Variants in SHQ1 observed in about 807,000 individuals in gnomAD.
The protein encoded by SHQ1 is SHQ1, H/ACA ribonucleoprotein assembly factor.
In SHQ1, 49 loss-of-function variants were observed where a neutral mutation model predicts 53.8. That is an observed-to-expected ratio of 0.91 (90% CI 0.72 to 1.16). The LOEUF is 1.16. Ranked by LOEUF, SHQ1 falls within the 50% of genes most tolerant of loss-of-function variation. The pLI, the probability that SHQ1 is intolerant of heterozygous loss-of-function variation, is 0.00. For missense variants in SHQ1, 738 were observed against 683.1 expected, an observed-to-expected ratio of 1.08 and a Z score of -0.90; for synonymous variants, 243 against 251.0, an observed-to-expected ratio of 0.97 and a Z score of 0.30.
chr3:72,841,519 C>A (rs1039355494), intron 3 of SHQ1, among the ~76,000 whole-genome samples: 3 of 152,018 alleles, frequency 2.0e-5, no homozygotes, highest in African/African-American at 7.2e-5. Flanking sequence ...ACATATGCAA[C>A]GTAAAAACAG....
intron 6 of SHQ1, among the ~76,000 whole-genome samples, chr3:72,823,022 G>A (rs1186902717): frequency 1.3e-5 from 2 of 152,090 alleles, no homozygotes; most frequent in South Asian, 2.1e-4. Context: ...GGTGGCCGGT[G>A]CCTGTAGTCC....
In SHQ1 at chr3:72,765,551, A is replaced by AT. The variant is rs1192074766; in HGVS notation, c.1182-14716dup. 1.7e-3 allele frequency among the ~76,000 whole-genome samples: 150 copies of AT among 88,172 alleles called. 8 individuals are homozygous for AT. The highest frequency in any genetic ancestry group is 0.01 in the African/African-American group (142 of 14,092). 57.8% of individuals were successfully genotyped at this position (88,172 alleles called of 152,430 possible). A position where few individuals can be genotyped will look rare whatever the true frequency, so the allele number is the denominator to read the frequency against. On this transcript the variant is annotated intron_variant, in intron 10 of 10. Transcript: ENST00000325599. ...ATGACATATATATATATATATATATATATATATTTTTTTTTTTTTTTTGAG... is the reference window on the plus strand; with the variant it reads ...ATGACATATATATATATATATATATATTATATATTTTTTTTTTTTTTTTGAG...
In SHQ1 at chr3:72,817,223, C is replaced by T; in HGVS notation, c.882+7G>A. 6.2e-7 allele frequency: 1 copy of T among 1,610,946 alleles called. No homozygotes were observed. The highest frequency in any genetic ancestry group is 8.5e-7 in the Non-Finnish European group (1 of 1,178,646). On this transcript the variant is annotated splice_region_variant and intron_variant, in intron 7 of 10. Coordinates refer to ENST00000325599, the MANE Select transcript of SHQ1 (RefSeq NM_018130.3). ...CTATGGCAACATGCACACATACATG[C>T]ACTTACATTCTTCTCTCCTTCAGTG...
intron 10 of SHQ1, among the ~76,000 whole-genome samples, chr3:72,792,316 C>T (rs1041663487): frequency 1.3e-5 from 2 of 152,206 alleles, no homozygotes; most frequent in African/African-American, 4.8e-5. Context: ...GCAAGGCAAT[C>T]AATATCACAA....
intron 4 of SHQ1, among the ~76,000 whole-genome samples, chr3:72,833,064 T>A (rs1413419339): frequency 6.6e-6 from 1 of 152,154 alleles, no homozygotes; most frequent in Non-Finnish European, 1.5e-5. Flanking sequence ...TGCGAAATGC[T>A]CCAAAGAGTA....
chr3:72,758,037 G>T (rs1575675761), intron 10 of SHQ1, among the ~76,000 whole-genome samples: 1 of 152,154 alleles, frequency 6.6e-6, no homozygotes, highest in South Asian at 2.1e-4. Flanking sequence ...CTATTGAAAA[G>T]AACCAGTTCC....
the SHQ1 span, among the ~76,000 whole-genome samples, chr3:72,725,624 A>G: frequency 6.6e-6 from 1 of 152,204 alleles, no homozygotes; most frequent in Non-Finnish European, 1.5e-5. Context: ...CCAGGTGTAC[A>G]CGCACACACT....
the SHQ1 span, among the ~76,000 whole-genome samples, chr3:72,742,213 AAC>A: frequency 5.9e-3 from 868 of 147,146 alleles, 7 homozygotes; most frequent in African/African-American, 0.018. Context: ...AAAAAAAAAA[AAC>A]GTAAAAAATA....
chr3:72,798,481 T>TA (rs796750162), intron 9 of SHQ1, among the ~76,000 whole-genome samples: 71 of 152,308 alleles, frequency 4.7e-4, no homozygotes, highest in African/African-American at 1.7e-3. Context: ...AATGACAAGA[T>TA]AAAGAAAATA....
At chr3:72,747,245 G>A (rs914909280), downstream of SHQ1, among the ~76,000 whole-genome samples, 1 of 152,140 alleles carries the variant, frequency 6.6e-6, no homozygotes, top group African/African-American at 2.4e-5. Flanking sequence ...TGATGATTCA[G>A]TGTTAACAAG....
intron 9 of SHQ1, among the ~76,000 whole-genome samples, chr3:72,803,107 T>C (rs1179317167): frequency 2.0e-5 from 3 of 152,124 alleles, no homozygotes; most frequent in Non-Finnish European, 4.4e-5. Context: ...GCACTTAGCT[T>C]GCTTTAGAGC....
intron 10 of SHQ1, among the ~76,000 whole-genome samples, chr3:72,781,257 T>C (rs1433149766): frequency 6.6e-6 from 1 of 151,998 alleles, no homozygotes; most frequent in Admixed American, 6.6e-5. Flanking sequence ...GGTTTCACCA[T>C]GTTGACCAGG....
intron 3 of SHQ1, 24 bp from the exon 4 acceptor site, chr3:72,841,223 T>C (rs1708171322): frequency 6.3e-7 from 1 of 1,582,374 alleles, no homozygotes; most frequent in East Asian, 2.3e-5. Context: ...ATTTTAATTT[T>C]TTTTAAGTAT....
chr3:72,783,003 C>T (rs1706114501), intron 10 of SHQ1, among the ~76,000 whole-genome samples: 1 of 152,110 alleles, frequency 6.6e-6, no homozygotes, highest in Non-Finnish European at 1.5e-5. Context: ...AGAGAATCCT[C>T]CAAAGAGCTT....
At chr3:72,745,404 C>G (rs1385909763), downstream of SHQ1, among the ~76,000 whole-genome samples, 2 of 152,172 alleles carry the variant, frequency 1.3e-5, no homozygotes, top group Non-Finnish European at 2.9e-5. Context: ...GCCATGCCCA[C>G]AGCAAGGCCT....
intron 4 of SHQ1, among the ~76,000 whole-genome samples, chr3:72,834,400 T>C (rs1707930306): frequency 6.6e-6 from 1 of 152,054 alleles, no homozygotes; most frequent in Non-Finnish European, 1.5e-5. Flanking sequence ...TGTGGTGGCG[T>C]GCACCTGTAA....
rs569525655 is a variant in SHQ1 at position 72,804,244 on chromosome 3, G to A, written c.1060+8427C>T. Among the ~76,000 whole-genome samples the A allele has an allele frequency of 8.5e-5, 13 of 152,154 alleles. No homozygotes were observed. In the South Asian group the frequency reaches 2.7e-3, roughly 32 times the overall value. On this transcript the variant is annotated intron_variant, in intron 9 of 10. Coordinates refer to ENST00000325599, the MANE Select transcript of SHQ1 (RefSeq NM_018130.3). The stretch of plus-strand genomic sequence containing the variant: ...TGTCCATTAAGGTATGTTTTTAAGG[G>A]AGTCTCCCCTTTGTATCTTATATTA...
chr3:72,830,378 CATT>C (rs892417516), intron 5 of SHQ1, among the ~76,000 whole-genome samples: 1 of 150,448 alleles, frequency 6.6e-6, no homozygotes, highest in African/African-American at 2.5e-5. Context: ...ATCTTATATA[CATT>C]ATTATGCTAA....
At chr3:72,753,663 G>A (rs908239025) in intron 10 of SHQ1, 1 of 985,052 alleles carries the variant, frequency 1.0e-6, no homozygotes, top group Non-Finnish European at 1.2e-6. Flanking sequence ...AGAAAGGGAG[G>A]GGTTTAGGGT....
Sources: gnomAD v4.1 joint callset for allele counts (sites outside exome capture counted in the v4.1 genomes callset) on GRCh38, gnomAD v4.1.1 for gene constraint, MANE v1.5 for transcripts, NCBI Gene and HGNC (gene_info 2026-07-23, HGNC 2026-07-21) for gene names.